ZFP90: variants seen among roughly 807,000 people sequenced by gnomAD.
The protein encoded by ZFP90 is zinc finger protein 90 homolog.
ZFP90 carries 38 observed loss-of-function variants against 60.8 expected under a neutral mutation model. The observed-to-expected ratio is 0.62, with a 90% CI of 0.48 to 0.82. The LOEUF (loss-of-function observed/expected upper bound fraction) is 0.82, where lower values mean the gene tolerates loss of function less well. Among genes scored for constraint, ZFP90 ranks in the 40% least tolerant of loss-of-function variants. The pLI is 0.00. For missense variants in ZFP90, 711 were observed against 759.1 expected (o/e 0.94, Z 0.74); for synonymous variants, 287 against 264.8 (o/e 1.08, Z -0.82).
chr16:68,568,709 T>G (rs1297304306), downstream of ZFP90, among the ~76,000 whole-genome samples: 1 of 152,174 alleles, frequency 6.6e-6, no homozygotes, highest in East Asian at 1.9e-4. Flanking sequence ...GACAGGGTCT[T>G]GCCTTGTCAC....
In ZFP90 at chr16:68,565,660, A is replaced by G. The variant is rs565616922; in HGVS notation, c.*962A>G. On this transcript the variant is annotated 3_prime_UTR_variant, in exon 5 of 5. Transcript: ENST00000563169. Reference sequence around the variant, plus strand: ...CATGAAAAAGCACTTTCTTAAGCCTACAGTATCAGATCAATGGGAAAACAA... The same window carrying G: ...CATGAAAAAGCACTTTCTTAAGCCTGCAGTATCAGATCAATGGGAAAACAA... The G allele has an allele frequency of 3.2e-4, 317 of 985,598 alleles. No homozygotes were observed. In the African/African-American group the frequency reaches 5.1e-3, roughly 16 times the overall value. 61.1% of individuals were successfully genotyped at this position (985,598 alleles called of 1,614,324 possible). A position where few individuals can be genotyped will look rare whatever the true frequency, so the allele number is the denominator to read the frequency against.
chr16:68,567,144 T>A, downstream of ZFP90: 1 of 985,606 alleles, frequency 1.0e-6, no homozygotes, highest in Non-Finnish European at 1.2e-6. Context: ...GGAGTCAGTT[T>A]GTCGTTTTCA....
upstream of ZFP90, among the ~76,000 whole-genome samples, chr16:68,538,611 C>T (rs1296210070): frequency 1.3e-5 from 2 of 151,598 alleles, no homozygotes; most frequent in Non-Finnish European, 2.9e-5. Context: ...GAGGCTGAGG[C>T]GGGAGAATCG....
At chr16:68,558,237 G>A (rs1329359485) in intron 3 of ZFP90, 113 bp downstream of exon 3, 6 of 1,493,516 alleles carry the variant, frequency 4.0e-6, no homozygotes, top group Non-Finnish European at 5.5e-6. Flanking sequence ...TCAGGGGTCA[G>A]AGCTTGTTAA....
chr16:68,535,035 A>G (rs113182757), upstream of ZFP90, among the ~76,000 whole-genome samples: 28 of 152,138 alleles, frequency 1.8e-4, no homozygotes, highest in African/African-American at 6.5e-4. Flanking sequence ...TCATGGTTCC[A>G]TGTTTTATGC....
At chr16:68,544,834 C>T (rs529800475) in intron 2 of ZFP90, among the ~76,000 whole-genome samples, 2 of 147,744 alleles carry the variant, frequency 1.4e-5, no homozygotes, top group South Asian at 2.2e-4. Flanking sequence ...AGGTACCGCT[C>T]CTGTGTGTGC....
chr16:68,572,682 T>C (rs144038450), intron 2 of ZFP90, among the ~76,000 whole-genome samples: 75 of 152,230 alleles, frequency 4.9e-4, no homozygotes, highest in African/African-American at 1.5e-3. Context: ...GAATGAGATA[T>C]TGGGAGATCT....
downstream of ZFP90, among the ~76,000 whole-genome samples, chr16:68,567,988 C>G (rs1242092637): frequency 6.6e-6 from 1 of 152,150 alleles, no homozygotes; most frequent in African/African-American, 2.4e-5. Context: ...TCCTACTCAT[C>G]TGTTAAAATG....
In ZFP90 at chr16:68,565,531, A is replaced by G. The variant is rs893431728; in HGVS notation, c.*833A>G. 263 of 985,450 alleles carry G rather than the reference A, an allele frequency of 2.7e-4. 1 individual carries two copies. Among genetic ancestry groups the G allele is most frequent in the Non-Finnish European group, 2.9e-4 (240 of 829,952 alleles). The allele number at this position is 985,450 out of a possible 1,614,324, so 61.0% of individuals were successfully genotyped here. ...AGAAACTGTAGATGGTTGAACTACT[A>G]GTGACTTTTTTCCCCTTTTCCCAGT... On this transcript the variant is annotated 3_prime_UTR_variant, in exon 5 of 5. Transcript: ENST00000563169.
At chr16:68,540,690 T>C (rs899451683) in intron 2 of ZFP90, among the ~76,000 whole-genome samples, 1 of 151,572 alleles carries the variant, frequency 6.6e-6, no homozygotes, top group African/African-American at 2.4e-5. Flanking sequence ...AATACCAAGT[T>C]GCCAGGTACA....
chr16:68,562,127 C>T (rs372361760), intron 4 of ZFP90: 1 of 152,058 alleles, frequency 6.6e-6, no homozygotes, highest in Non-Finnish European at 1.5e-5. Flanking sequence ...GTATGTATGT[C>T]GTTAACTAGA....
upstream of ZFP90, among the ~76,000 whole-genome samples, chr16:68,537,579 A>T (rs192827142): frequency 6.6e-6 from 1 of 151,762 alleles, no homozygotes; most frequent in Admixed American, 6.6e-5. Context: ...TTTTATATAT[A>T]TTTTTTGAGA....
chr16:68,557,872 A>G (rs577421263), intron 2 of ZFP90, 126 bp from the exon 3 acceptor site: 6 of 1,303,462 alleles, frequency 4.6e-6, no homozygotes, highest in Admixed American at 1.9e-5. Flanking sequence ...ATGTAACCCA[A>G]CATTGCCTCC....
chr16:68,542,179 A>G (rs2091061970), intron 2 of ZFP90, among the ~76,000 whole-genome samples: 1 of 152,162 alleles, frequency 6.6e-6, no homozygotes, highest in African/African-American at 2.4e-5. Context: ...GCAGAAGTAG[A>G]GCGCAAGAGA....
chr16:68,565,335 G>A lies in ZFP90; in HGVS notation c.*637G>A. Reference sequence around the variant, plus strand: ...AGTGAAAAGGTTATTTTTGGACTCAGAGGGCTTTAAAATAAATTTTAAGAT... The same window carrying A: ...AGTGAAAAGGTTATTTTTGGACTCAAAGGGCTTTAAAATAAATTTTAAGAT... On this transcript the variant is annotated 3_prime_UTR_variant, in exon 5 of 5. Coordinates refer to ENST00000563169, the MANE Select transcript of ZFP90 (RefSeq NM_001305203.2). 1 of 985,576 alleles carries A rather than the reference G, an allele frequency of 1.0e-6. No homozygotes were observed. The highest frequency in any genetic ancestry group is 1.2e-6 in the Non-Finnish European group (1 of 829,938). 61.1% of individuals were successfully genotyped at this position (985,576 alleles called of 1,614,324 possible).
intron 2 of ZFP90, among the ~76,000 whole-genome samples, chr16:68,556,676 G>A (rs989091452): frequency 6.6e-6 from 1 of 152,200 alleles, no homozygotes; most frequent in Non-Finnish European, 1.5e-5. Flanking sequence ...TAATATCTCC[G>A]ATCATTGCTA....
rs1392962970 is a variant in ZFP90, at chr16:68,573,981, T to C, written c.224-1810T>C. 4 of 135,110 alleles carry C rather than the reference T, an allele frequency of 3.0e-5. No individual in the cohort carries two copies. The East Asian group carries it at 1.0e-3, about 35-fold the overall frequency. 8.4% of individuals were successfully genotyped at this position (135,110 alleles called of 1,614,324 possible). Reference sequence around the variant, plus strand: ...GGCACAGCGTGGGTACAAGCTTGGCTGCGTGCCTTTCTCCAGGTTTCCTGC... The same window carrying C: ...GGCACAGCGTGGGTACAAGCTTGGCCGCGTGCCTTTCTCCAGGTTTCCTGC... On this transcript the variant is annotated intron_variant, in intron 2 of 2. Coordinates refer to the ZFP90 transcript ENST00000573113.
intron 2 of ZFP90, 96 bp from the exon 3 acceptor site, chr16:68,557,902 A>G: frequency 6.5e-7 from 1 of 1,526,966 alleles, no homozygotes; most frequent in South Asian, 1.1e-5. Flanking sequence ...CAAATGTGTG[A>G]TCACCACTTC....
At chr16:68,542,638 AT>A (rs1215577584) in intron 2 of ZFP90, among the ~76,000 whole-genome samples, 3 of 152,120 alleles carry the variant, frequency 2.0e-5, no homozygotes, top group Non-Finnish European at 2.9e-5. Context: ...GAGCTGATTG[AT>A]TTGGTGAATC....
Sources: gnomAD v4.1 joint callset for allele counts (sites outside exome capture counted in the v4.1 genomes callset) on GRCh38, gnomAD v4.1.1 for gene constraint, MANE v1.5 for transcripts, NCBI Gene and HGNC (gene_info 2026-07-23, HGNC 2026-07-21) for gene names.